RNF157: variants seen among roughly 807,000 people sequenced by gnomAD.
The protein encoded by RNF157 is E3 ubiquitin ligase RNF157.
RNF157 carries 55 observed loss-of-function variants against 88.3 expected under a neutral mutation model. The observed-to-expected ratio is 0.62, with a 90% CI of 0.50 to 0.78. The LOEUF is 0.78. RNF157 is among the 30% of genes least tolerant of loss of function. The pLI is 0.00. For missense variants in RNF157, 788 were observed against 860.8 expected (o/e 0.92, Z 1.06); for synonymous variants, 334 against 341.2 (o/e 0.98, Z 0.23).
intron 16 of RNF157, 112 bp downstream of exon 16, chr17:76,155,140 G>T: frequency 1.2e-6 from 1 of 864,796 alleles, no homozygotes; most frequent in Non-Finnish European, 1.9e-6. Context: ...TGTCCCCTAG[G>T]AAGGCTTCGT....
chr17:76,190,020 A>G (rs952439036), intron 2 of RNF157, among the ~76,000 whole-genome samples: 7 of 152,182 alleles, frequency 4.6e-5, no homozygotes, highest in African/African-American at 1.7e-4. Context: ...AGAGCCGCAG[A>G]GTCCCAGCCC....
At position 76,155,302 on chromosome 17, in the gene RNF157, A is replaced by G. The variant is rs2068745718; in HGVS notation, c.1714T>C (p.Ser572Pro). Residue 572 changes from serine (S) to proline (P), a missense_variant, in exon 16 of 19, where the codon TCT becomes CCT. Physicochemically the swap from Ser to Pro is moderately conservative, Grantham distance 74 (BLOSUM62 -1). Coordinates refer to ENST00000269391, the MANE Select transcript of RNF157 (RefSeq NM_052916.3). ...SEEGEGLPAE[S>P]PDSNFAGLPA... The stretch of plus-strand genomic sequence containing the variant: ...AGGCCAGCAAAGTTGCTGTCTGGAG[A>G]CTCCGCTGGCAGCCCCTGCAGAAGA... 2 of 1,613,848 alleles carry G rather than the reference A, an allele frequency of 1.2e-6. No individual in the cohort carries two copies. Among genetic ancestry groups the G allele is most frequent in the Non-Finnish European group, 1.7e-6 (2 of 1,179,970 alleles).
intron 3 of RNF157, 90 bp from the exon 4 acceptor site, chr17:76,167,887 C>T: frequency 8.0e-7 from 1 of 1,246,780 alleles, no homozygotes; most frequent in Non-Finnish European, 1.1e-6. Context: ...TTGTGGGCTT[C>T]TCTGAATGAT....
At chr17:76,226,747 G>A (rs774976521) in intron 1 of RNF157, 29 of 1,597,688 alleles carry the variant, frequency 1.8e-5, no homozygotes, top group East Asian at 1.3e-4. Context: ...CCGACTGGTC[G>A]AAGGGGGACA....
At chr17:76,181,993 T>C (rs2069196795) in intron 2 of RNF157, among the ~76,000 whole-genome samples, 1 of 151,688 alleles carries the variant, frequency 6.6e-6, no homozygotes. Flanking sequence ...TCTCACTATA[T>C]CCTGAGTACT....
intron 18 of RNF157, among the ~76,000 whole-genome samples, chr17:76,151,486 T>A (rs1032566137): frequency 2.6e-5 from 4 of 152,056 alleles, no homozygotes; most frequent in Admixed American, 6.5e-5. Context: ...CTGAAGTGAG[T>A]CTTCGTTCAG....
rs149838003 is a variant in RNF157, at chr17:76,155,322, A to G, written c.1699-5T>C. ...TGGAGACTCCGCTGGCAGCCCCTGC[A>G]GAAGAGCACAGTTTTTACAGGCTCT... On this transcript the variant is annotated splice_region_variant and splice_polypyrimidine_tract_variant and intron_variant, in intron 15 of 18. Transcript: ENST00000269391. 1 of 1,614,058 alleles carries G rather than the reference A, an allele frequency of 6.2e-7. No individual in the cohort carries two copies. Among genetic ancestry groups the G allele is most frequent in the East Asian group, 2.2e-5 (1 of 44,886 alleles).
chr17:76,239,104 C>G (rs980471057), intron 1 of RNF157, among the ~76,000 whole-genome samples: 1 of 152,176 alleles, frequency 6.6e-6, no homozygotes, highest in African/African-American at 2.4e-5. Flanking sequence ...ACACCTCATT[C>G]CGAAATCACC....
rs1398667430 is a variant in RNF157, at chr17:76,161,847, T to C, written c.948A>G (p.Arg316=). ...RYQANNCPIC[R]LPFRALLQIR... ...CCCTGCCGCTCTGGGGCTTACGCAG[T>C]CGGCAGATGGGGCAGTTGTTGGCCT... The change falls in exon 10 of 19, where the codon CGA becomes CGG. Residue 316 remains arginine, a synonymous_variant. Transcript: ENST00000269391. This position sits in a 1 kb window ranked among gnomAD's most constrained non-coding sequence, Gnocchi z 4.6. 6.2e-7 allele frequency: 1 copy of C among 1,613,916 alleles called. No homozygotes were observed. The highest frequency in any genetic ancestry group is 1.7e-5 in the Admixed American group (1 of 60,022).
chr17:76,205,417 C>T (rs2069664183), intron 2 of RNF157, among the ~76,000 whole-genome samples: 5 of 152,010 alleles, frequency 3.3e-5, no homozygotes, highest in Admixed American at 3.3e-4. Flanking sequence ...TAGGGATAAG[C>T]CGCCATGCCG....
At position 76,155,585 on chromosome 17, in the gene RNF157, T is replaced by G. The variant is rs1287432007; in HGVS notation, c.1675A>C (p.Arg559=). ...EALSSPQPAS[R]APSEEGEGLP... ...ACCTCTCCTTCTTCTGAGGGGGCCC[T>G]GCTGGCAGGCTGGGGGGAAGAGAGA... The change falls in exon 15 of 19, where the codon AGG becomes CGG. Residue 559 remains arginine, a synonymous_variant. Transcript: ENST00000269391. 5 of 1,612,494 alleles carry G rather than the reference T, an allele frequency of 3.1e-6. No homozygotes were observed. The highest frequency in any genetic ancestry group is 1.7e-5 in the Admixed American group (1 of 59,394).
chr17:76,225,828 G>A, intron 1 of RNF157: 3 of 1,604,446 alleles, frequency 1.9e-6, no homozygotes, highest in Non-Finnish European at 2.5e-6. Context: ...TCCTTGGCCA[G>A]GGAATCTGCC....
At chr17:76,202,303 C>A (rs1340778728) in intron 2 of RNF157, among the ~76,000 whole-genome samples, 1 of 152,202 alleles carries the variant, frequency 6.6e-6, no homozygotes, top group Non-Finnish European at 1.5e-5. Flanking sequence ...CCAAACATAA[C>A]ACGTGCACAG....
chr17:76,173,681 C>T (rs746850296), intron 3 of RNF157, 21 bp downstream of exon 3: 10 of 1,570,758 alleles, frequency 6.4e-6, no homozygotes, highest in African/African-American at 1.4e-5. Context: ...TGGGACCTGG[C>T]CCCAGCCTCT....
intron 2 of RNF157, among the ~76,000 whole-genome samples, chr17:76,209,651 AT>A (rs1429905500): frequency 6.6e-6 from 1 of 152,170 alleles, no homozygotes; most frequent in African/African-American, 2.4e-5. Flanking sequence ...AAAGGCCAAA[AT>A]TTTTTTAAAA....
At chr17:76,175,632 C>CTTG in intron 2 of RNF157, 1 of 318,958 alleles carries the variant, frequency 3.1e-6, no homozygotes, top group Non-Finnish European at 4.5e-6. Context: ...CCGACACAAA[C>CTTG]GCTAGTCTAT....
At chr17:76,150,017 A>G (rs2068650079) in intron 18 of RNF157, among the ~76,000 whole-genome samples, 1 of 152,204 alleles carries the variant, frequency 6.6e-6, no homozygotes, top group Admixed American at 6.5e-5. Flanking sequence ...TGGGCGACAG[A>G]GCGAGACTCT....
At chr17:76,222,388 G>T (rs1246121489) in intron 1 of RNF157, among the ~76,000 whole-genome samples, 1 of 151,528 alleles carries the variant, frequency 6.6e-6, no homozygotes, top group Non-Finnish European at 1.5e-5. Context: ...GTAGTGGATT[G>T]TGCAACACTG....
chr17:76,202,128 T>TCTCTCACACA (rs1250661867), intron 2 of RNF157, among the ~76,000 whole-genome samples: 6 of 134,602 alleles, frequency 4.5e-5, no homozygotes, highest in African/African-American at 1.3e-4. Flanking sequence ...TCTCTCTCTC[T>TCTCTCACACA]CACACACACA....
Sources: allele counts gnomAD v4.1 joint callset (sites outside exome capture counted in the v4.1 genomes callset), GRCh38; gene constraint gnomAD v4.1.1; non-coding constraint Gnocchi (gnomAD v3.1); transcripts MANE v1.5; gene names NCBI Gene and HGNC (gene_info 2026-07-23, HGNC 2026-07-21).